The following C9orf78 variants were observed in gnomAD, a reference collection of about 807,000 sequenced individuals.
C9orf78 encodes splicing factor C9orf78.
In C9orf78, 19 loss-of-function variants were observed where a neutral mutation model predicts 37.4. The ratio of observed to expected loss-of-function variants is 0.51; its 90% CI spans 0.35 to 0.74. The LOEUF (loss-of-function observed/expected upper bound fraction) is 0.74. Among genes scored for constraint, C9orf78 ranks in the 30% least tolerant of loss-of-function variants. The pLI, the probability that C9orf78 is intolerant of heterozygous loss-of-function variation, is 0.01. For synonymous variants in C9orf78, 130 were observed against 128.0 expected, an observed-to-expected ratio of 1.02 and a Z score of -0.10; for missense variants, 291 against 370.8, an observed-to-expected ratio of 0.78 and a Z score of 1.77.
In C9orf78 at chr9:129,835,229, A is replaced by T. The variant is rs747052904; in HGVS notation, c.-8T>A. 1 of 1,603,090 alleles carries T rather than the reference A, an allele frequency of 6.2e-7. No homozygotes were observed. Among genetic ancestry groups the T allele is most frequent in the African/African-American group, 1.3e-5 (1 of 74,310 alleles). On this transcript the variant is annotated 5_prime_UTR_variant, in exon 1 of 9. It adds an upstream start codon to the 5' untranslated region. Coordinates refer to ENST00000372447, the MANE Select transcript of C9orf78 (RefSeq NM_016520.3). ...CTTCCGGACGACCGGCATGGTGACA[A>T]CGGCCGAGTTGTACAGCCGCCGCGC...
chr9:129,828,134 C>T lies in C9orf78; in HGVS notation c.*27G>A, dbSNP rs1379859924. The T allele has an allele frequency of 8.4e-6, 11 of 1,315,320 alleles. No homozygotes were observed. The highest frequency in any genetic ancestry group is 7.2e-5 in the African/African-American group (5 of 68,970). The allele number at this position is 1,315,320 out of a possible 1,614,324, so 81.5% of individuals were successfully genotyped here. ...TGGGAGGGATATAGGGAGAGGAAGG[C>T]GATATTTACATCCCACTCTGCACAA... On this transcript the variant is annotated 3_prime_UTR_variant, in exon 9 of 9. Transcript: ENST00000372447.
chr9:129,833,013 GTGTATA>G (rs2031544506), intron 4 of C9orf78, among the ~76,000 whole-genome samples: 1 of 108,282 alleles, frequency 9.2e-6, no homozygotes, highest in African/African-American at 2.7e-5. Context: ...GTGTGTGTGT[GTGTATA>G]TGTGTATATA....
rs1187260658 is a variant in C9orf78 at position 129,834,721 on chromosome 9, C to T, written c.129G>A (p.Arg43=). 6.2e-7 allele frequency: 1 copy of T among 1,612,322 alleles called. No homozygotes were observed. The highest frequency in any genetic ancestry group is 2.2e-5 in the East Asian group (1 of 44,858). Residue 43 remains arginine, a synonymous_variant, in exon 2 of 9, where the codon AGG becomes AGA. Transcript: ENST00000372447. Reference sequence around the variant, plus strand: ...GTGGTACCCACCTCACCCCGTTGGGCCTCTTCCTCAAGTTCTGTACCTCTC... The same window carrying T: ...GTGGTACCCACCTCACCCCGTTGGGTCTCTTCCTCAAGTTCTGTACCTCTC... ...ETREVQNLRK[R]PNGVSAVALL...
In C9orf78 at chr9:129,835,166, T is replaced by C. The variant is rs771324874; in HGVS notation, c.56A>G (p.Glu19Gly). The C allele has an allele frequency of 1.2e-6, 2 of 1,611,002 alleles. No homozygotes were observed. Among genetic ancestry groups the C allele is most frequent in the Non-Finnish European group, 1.7e-6 (2 of 1,178,840 alleles). ...RRRRGDSESE[E>G]DEQDSEEVRL... ...AACCTCCTCTGAGTCCTGCTCATCTTCCTCTGACTCCGAGTCGCCCCGGCG... is the reference window on the plus strand; with the variant it reads ...AACCTCCTCTGAGTCCTGCTCATCTCCCTCTGACTCCGAGTCGCCCCGGCG... Residue 19 changes from glutamate to glycine, a missense_variant, in exon 1 of 9, where the codon GAA becomes GGA. Physicochemically the swap from Glu to Gly is moderately conservative, Grantham distance 98 (BLOSUM62 -2). This residue lies in a region of C9orf78 where 158 missense variants were observed against 174.8 expected (regional missense o/e 0.90). Coordinates refer to ENST00000372447, the MANE Select transcript of C9orf78 (RefSeq NM_016520.3).
intron 6 of C9orf78, chr9:129,829,972 G>C (rs1297828303): frequency 6.4e-6 from 1 of 156,584 alleles, no homozygotes; most frequent in Non-Finnish European, 1.4e-5. Flanking sequence ...GAAAACAGAA[G>C]AATAAAGGGC....
At chr9:129,833,016 T>C (rs1158732021) in intron 4 of C9orf78, among the ~76,000 whole-genome samples, 2 of 131,650 alleles carry the variant, frequency 1.5e-5, no homozygotes, top group African/African-American at 5.1e-5. Flanking sequence ...TGTGTGTGTG[T>C]ATATGTGTAT....
At chr9:129,828,383 A>AGG in intron 8 of C9orf78, 131 bp from the exon 9 acceptor site, 1 of 641,550 alleles carries the variant, frequency 1.6e-6, no homozygotes, top group South Asian at 1.6e-5. Context: ...CAGTGAACAC[A>AGG]GTAGGGCCTC....
In C9orf78 at chr9:129,833,533, A is replaced by G; in HGVS notation, c.196-16T>C. 6.3e-7 allele frequency: 1 copy of G among 1,582,838 alleles called. No individual in the cohort carries two copies. On this transcript the variant is annotated splice_polypyrimidine_tract_variant and intron_variant, in intron 3 of 8. Transcript: ENST00000372447. Reference sequence around the variant, plus strand: ...AGGGATCATCCTGCAGAAAGCAAACACAGTTAAGAGGAAGCATCTAAATAC... The same window carrying G: ...AGGGATCATCCTGCAGAAAGCAAACGCAGTTAAGAGGAAGCATCTAAATAC...
chr9:129,831,918 G>A lies in C9orf78; in HGVS notation c.322C>T (p.Arg108Ter), dbSNP rs769018018. Residue 108 changes from arginine to a stop codon, truncating the protein, a stop_gained, in exon 5 of 9, where the codon CGA becomes TGA. Coordinates refer to ENST00000372447, the MANE Select transcript of C9orf78 (RefSeq NM_016520.3). LOFTEE classifies it high-confidence loss of function. Reference protein sequence around the residue: ...LGTSFSAETNRRDEDADMMKY... With the variant: ...LGTSFSAETN ...TACATGTCTGCATCCTCATCCCTTC[G>A]GTTGGTTTCTGCAGAAAACGATGTC... The A allele has an allele frequency of 5.0e-6, 8 of 1,587,810 alleles. No individual in the cohort carries two copies. Among genetic ancestry groups the A allele is most frequent in the East Asian group, 2.2e-5 (1 of 44,740 alleles).
At chr9:129,830,321 T>G (rs542789188) in intron 6 of C9orf78, 1 of 157,122 alleles carries the variant, frequency 6.4e-6, no homozygotes, top group South Asian at 1.9e-4. Flanking sequence ...GGTGCAATCA[T>G]GGCTCACTGT....
chr9:129,831,769 T>C (rs908159444), intron 5 of C9orf78, 127 bp downstream of exon 5: 5 of 716,084 alleles, frequency 7.0e-6, no homozygotes, highest in Admixed American at 1.9e-5. Context: ...AGCTGGGAAG[T>C]AGAAAGAGAG....
rs1256916962 is a variant in C9orf78 at position 129,835,134 on chromosome 9, C to A, written c.83+5G>T. On this transcript the variant is annotated splice_donor_5th_base_variant and intron_variant, in intron 1 of 8. Transcript: ENST00000372447. ...AAGCCTATGGGAGCCCCGCCCCAAA[C>A]GCACCGAACCTCCTCTGAGTCCTGC... 2 of 1,608,204 alleles carry A rather than the reference C, an allele frequency of 1.2e-6. No individual in the cohort carries two copies. Among genetic ancestry groups the A allele is most frequent in the African/African-American group, 2.7e-5 (2 of 74,692 alleles).
intron 2 of C9orf78, 21 bp from the exon 3 acceptor site, chr9:129,833,730 AAGAG>A: frequency 6.3e-7 from 1 of 1,590,568 alleles, no homozygotes; most frequent in Non-Finnish European, 8.6e-7. Context: ...CCAAAAAAAA[AAGAG>A]AGGGGGAGAG....
rs1166190836 is a variant in C9orf78, at chr9:129,835,275, T to A, written c.-54A>T. 1 of 1,340,810 alleles carries A rather than the reference T, an allele frequency of 7.5e-7. No individual in the cohort carries two copies. Among genetic ancestry groups the A allele is most frequent in the African/African-American group, 1.5e-5 (1 of 66,368 alleles). 83.1% of individuals were successfully genotyped at this position (1,340,810 alleles called of 1,614,324 possible). A position where few individuals can be genotyped will look rare whatever the true frequency, so the allele number is the denominator to read the frequency against. ...CGCGCCTCTGCGCAGCGGCCCAGGC[T>A]GCTTCCGGCGCGCGGCAGAGCGGTC... On this transcript the variant is annotated 5_prime_UTR_variant, in exon 1 of 9. Transcript: ENST00000372447.
chr9:129,834,919 C>A, intron 1 of C9orf78, 153 bp from the exon 2 acceptor site: 1 of 696,652 alleles, frequency 1.4e-6, no homozygotes, highest in Non-Finnish European at 2.5e-6. Context: ...GTGCCTAGAC[C>A]CACCGGGAGT....
chr9:129,831,214 A>G, intron 5 of C9orf78, 146 bp from the exon 6 acceptor site: 1 of 633,366 alleles, frequency 1.6e-6, no homozygotes, highest in Non-Finnish European at 2.8e-6. Context: ...TTTTTCATCA[A>G]GTTAGAAATT....
At chr9:129,833,562 G>T in intron 3 of C9orf78, 45 bp from the exon 4 acceptor site, 1 of 1,499,022 alleles carries the variant, frequency 6.7e-7, no homozygotes, top group South Asian at 1.1e-5. Flanking sequence ...TAAATACATG[G>T]TAGTGGAATT....
chr9:129,835,029 C>A, intron 1 of C9orf78, 110 bp downstream of exon 1: 1 of 927,140 alleles, frequency 1.1e-6, no homozygotes. Context: ...GCAGAAGGAA[C>A]CACCACCCGA....
intron 1 of C9orf78, 144 bp from the exon 2 acceptor site, chr9:129,834,910 T>C (rs544012004): frequency 4.2e-6 from 3 of 715,738 alleles, no homozygotes; most frequent in South Asian, 1.7e-5. Flanking sequence ...GACGACCTTG[T>C]GCCTAGACCC....
Sources: gnomAD v4.1 joint callset for allele counts (sites outside exome capture counted in the v4.1 genomes callset) on GRCh38, gnomAD v4.1.1 for gene constraint, gnomAD v4.1.1 regional missense constraint, MANE v1.5 for transcripts, NCBI Gene and HGNC (gene_info 2026-07-23, HGNC 2026-07-21) for gene names.